Variants in MRTFA observed in about 807,000 individuals in gnomAD.
The protein encoded by MRTFA is myocardin related transcription factor A.
MRTFA carries 20 observed loss-of-function variants against 83.5 expected under a neutral mutation model. The observed-to-expected ratio is 0.24, with a 90% CI of 0.17 to 0.35. MRTFA has a LOEUF of 0.35. Among genes scored for constraint, MRTFA ranks in the 10% least tolerant of loss-of-function variants. MRTFA has a pLI of 1.00. For missense variants in MRTFA, 1,200 were observed against 1,224.7 expected (o/e 0.98, Z 0.30); for synonymous variants, 659 against 541.2 (o/e 1.22, Z -3.02).
At chr22:40,471,235 A>C (rs887958089) in intron 3 of MRTFA, among the ~76,000 whole-genome samples, 9 of 145,958 alleles carry the variant, frequency 6.2e-5, no homozygotes, top group Non-Finnish European at 9.0e-5. Context: ...AAAAAAAAAA[A>C]AAAAAAAAAA....
intron 2 of MRTFA, among the ~76,000 whole-genome samples, chr22:40,576,982 G>A (rs775381771): frequency 1.3e-5 from 2 of 152,052 alleles, no homozygotes; most frequent in Non-Finnish European, 2.9e-5. Context: ...TTGCACTTTG[G>A]GAGGCTGAGG....
chr22:40,452,703 T>C (rs2053516773), intron 4 of MRTFA, among the ~76,000 whole-genome samples: 1 of 147,928 alleles, frequency 6.8e-6, no homozygotes, highest in Non-Finnish European at 1.5e-5. Flanking sequence ...CCCAGCTACC[T>C]AGGAGGCCGA....
intron 1 of MRTFA, among the ~76,000 whole-genome samples, chr22:40,595,206 G>C (rs140136324): frequency 4.4e-3 from 623 of 140,330 alleles, no homozygotes; most frequent in Middle Eastern, 7.4e-3. Flanking sequence ...TGCAACCTCC[G>C]ACTCCCAGGT....
At chr22:40,463,517 C>A (rs2053753770) in intron 3 of MRTFA, 2 of 466,282 alleles carry the variant, frequency 4.3e-6, no homozygotes. Context: ...AGGGCGATAA[C>A]AATCCACAAA....
At chr22:40,420,329 T>C in intron 11 of MRTFA, 76 bp downstream of exon 11, 1 of 1,533,840 alleles carries the variant, frequency 6.5e-7, no homozygotes, top group East Asian at 2.3e-5. Context: ...CTTCCCTGCC[T>C]AAAAACCAGC....
At chr22:40,528,846 T>A (rs571668356) in intron 3 of MRTFA, among the ~76,000 whole-genome samples, 1 of 152,180 alleles carries the variant, frequency 6.6e-6, no homozygotes, top group African/African-American at 2.4e-5. Context: ...AACACAAATT[T>A]GTAAACTTTC....
At chr22:40,548,241 C>CGTG (rs2055395134) in intron 3 of MRTFA, among the ~76,000 whole-genome samples, 1 of 150,842 alleles carries the variant, frequency 6.6e-6, no homozygotes, top group Non-Finnish European at 1.5e-5. Context: ...TGTCTGTAAT[C>CGTG]CCAGCTACTC....
intron 14 of MRTFA, among the ~76,000 whole-genome samples, chr22:40,414,109 C>T (rs1422379368): frequency 6.6e-6 from 1 of 152,108 alleles, no homozygotes; most frequent in East Asian, 1.9e-4. Context: ...GAGGCCGAGG[C>T]GGGCAGACTG....
intron 4 of MRTFA, among the ~76,000 whole-genome samples, chr22:40,446,640 G>A (rs998466593): frequency 6.6e-6 from 1 of 152,172 alleles, no homozygotes; most frequent in Non-Finnish European, 1.5e-5. Context: ...GGCAAAATAA[G>A]GCTTATAAAG....
chr22:40,517,438 G>A (rs2054780091), intron 3 of MRTFA, among the ~76,000 whole-genome samples: 1 of 152,118 alleles, frequency 6.6e-6, no homozygotes, highest in African/African-American at 2.4e-5. Flanking sequence ...AGGGCTTGAA[G>A]TTCACATGAA....
At chr22:40,587,619 G>T in intron 2 of MRTFA, 1 of 303,892 alleles carries the variant, frequency 3.3e-6, no homozygotes, top group South Asian at 3.9e-5. Flanking sequence ...AGGCAGCCAG[G>T]GGAGAACAGA....
At chr22:40,541,669 TTC>T (rs1313492912) in intron 3 of MRTFA, among the ~76,000 whole-genome samples, 1 of 152,120 alleles carries the variant, frequency 6.6e-6, no homozygotes, top group Non-Finnish European at 1.5e-5. Flanking sequence ...TGTGTGTATT[TTC>T]TGTTTGTTTG....
intron 2 of MRTFA, among the ~76,000 whole-genome samples, chr22:40,586,096 A>G (rs1267999752): frequency 6.6e-6 from 1 of 152,218 alleles, no homozygotes; most frequent in East Asian, 1.9e-4. Flanking sequence ...AAATGTTGAG[A>G]AACATTGCCC....
At chr22:40,629,200 T>C (rs533432938) in intron 1 of MRTFA, among the ~76,000 whole-genome samples, 22 of 151,964 alleles carry the variant, frequency 1.4e-4, no homozygotes, top group Admixed American at 5.2e-4. Context: ...TCCCAGCACT[T>C]TGGGAGGCCG....
intron 2 of MRTFA, among the ~76,000 whole-genome samples, chr22:40,557,797 ACT>A (rs1823684833): frequency 6.6e-6 from 1 of 152,170 alleles, no homozygotes; most frequent in South Asian, 2.1e-4. Context: ...AACTTATATT[ACT>A]GAGCTTGAAA....
intron 2 of MRTFA, among the ~76,000 whole-genome samples, chr22:40,563,633 G>C (rs751779207): frequency 6.6e-6 from 1 of 152,046 alleles, no homozygotes; most frequent in African/African-American, 2.4e-5. Flanking sequence ...GAAGCCAAGC[G>C]GGGAGGATCC....
chr22:40,601,841 C>A (rs1252464806), intron 1 of MRTFA, among the ~76,000 whole-genome samples: 1 of 152,010 alleles, frequency 6.6e-6, no homozygotes, highest in African/African-American at 2.4e-5. Flanking sequence ...AAGATCAAGA[C>A]TGAAATCCCT....
At chr22:40,417,674 G>A (rs1426888862) in intron 12 of MRTFA, 181 bp from the exon 13 acceptor site, 3 of 587,942 alleles carry the variant, frequency 5.1e-6, no homozygotes, top group South Asian at 4.1e-5. Flanking sequence ...TACAGGATGG[G>A]GGGCCCTCAA....
intron 3 of MRTFA, among the ~76,000 whole-genome samples, chr22:40,490,491 C>T (rs774354564): frequency 6.6e-5 from 10 of 151,334 alleles, no homozygotes; most frequent in Non-Finnish European, 1.3e-4. Context: ...CCCAGCTACT[C>T]GGGAGGCTGA....
Sources: allele counts gnomAD v4.1 joint callset (sites outside exome capture counted in the v4.1 genomes callset), GRCh38; gene constraint gnomAD v4.1.1; transcripts MANE v1.5; gene names NCBI Gene and HGNC (gene_info 2026-07-23, HGNC 2026-07-21).